CNTNAP2: variants seen among roughly 807,000 people sequenced by gnomAD.
The protein encoded by CNTNAP2 is contactin associated protein 2.
In CNTNAP2, 98 loss-of-function variants were observed where a neutral mutation model predicts 155.2. That is an observed-to-expected ratio of 0.63 (90% confidence interval 0.54 to 0.75). The LOEUF is 0.75. Among genes scored for constraint, CNTNAP2 ranks in the 30% least tolerant of loss-of-function variants. CNTNAP2 has a pLI of 0.00. For missense variants in CNTNAP2, 1,727 were observed against 1,688.1 expected, an observed-to-expected ratio of 1.02 and a Z score of -0.40; for synonymous variants, 651 against 631.2, an observed-to-expected ratio of 1.03 and a Z score of -0.47.
intron 1 of CNTNAP2, among the ~76,000 whole-genome samples, chr7:146,166,283 G>C (rs1222423767): frequency 6.6e-6 from 1 of 151,976 alleles, no homozygotes; most frequent in Non-Finnish European, 1.5e-5. Context: ...AGTAGAGATG[G>C]GGTTTCACCA....
chr7:147,651,452 AACCG>A (rs1165777879), intron 13 of CNTNAP2, among the ~76,000 whole-genome samples: 1 of 152,234 alleles, frequency 6.6e-6, no homozygotes, highest in Non-Finnish European at 1.5e-5. Flanking sequence ...TGACAGATAA[AACCG>A]ACCATCACAG....
intron 16 of CNTNAP2, among the ~76,000 whole-genome samples, chr7:148,123,941 G>T (rs12533593): frequency 0.075 from 11,462 of 152,210 alleles, 729 homozygotes; most frequent in African/African-American, 0.17. Context: ...TAGAGGTCAC[G>T]GTCAAAAAGT....
chr7:146,782,556 A>G (rs1462697768), intron 2 of CNTNAP2, among the ~76,000 whole-genome samples: 1 of 152,182 alleles, frequency 6.6e-6, no homozygotes, highest in Non-Finnish European at 1.5e-5. Flanking sequence ...CCTGATTTCT[A>G]TGATTACTAT....
chr7:148,237,903 C>G (rs566838609), intron 20 of CNTNAP2, among the ~76,000 whole-genome samples: 1 of 152,300 alleles, frequency 6.6e-6, no homozygotes, highest in East Asian at 1.9e-4. Flanking sequence ...AGAAAAATCT[C>G]TGTAGACTTG....
At chr7:146,778,703 A>G (rs1445394651) in intron 2 of CNTNAP2, among the ~76,000 whole-genome samples, 2 of 152,238 alleles carry the variant, frequency 1.3e-5, no homozygotes, top group South Asian at 2.1e-4. Context: ...AACTGCTTTC[A>G]TCTGTGCTCT....
intron 3 of CNTNAP2, among the ~76,000 whole-genome samples, chr7:147,014,797 T>C (rs2129244678): frequency 6.6e-6 from 1 of 152,294 alleles, no homozygotes; most frequent in African/African-American, 2.4e-5. Context: ...AGGCCATCTG[T>C]AATACATACT....
chr7:147,536,048 T>C (rs1184677083), intron 11 of CNTNAP2, among the ~76,000 whole-genome samples: 1 of 152,192 alleles, frequency 6.6e-6, no homozygotes, highest in African/African-American at 2.4e-5. Context: ...GAAACAAATC[T>C]CTGAAGCTCT....
chr7:146,357,378 A>C (rs1795014804), intron 1 of CNTNAP2, among the ~76,000 whole-genome samples: 1 of 152,278 alleles, frequency 6.6e-6, no homozygotes, highest in Non-Finnish European at 1.5e-5. Flanking sequence ...ATTAAAAATT[A>C]TGCCTCTATA....
At chr7:147,492,777 C>G (rs1318310763) in intron 11 of CNTNAP2, among the ~76,000 whole-genome samples, 1 of 152,188 alleles carries the variant, frequency 6.6e-6, no homozygotes, top group Non-Finnish European at 1.5e-5. Context: ...GTGAAGTCAG[C>G]TTTTCCAGTC....
intron 1 of CNTNAP2, among the ~76,000 whole-genome samples, chr7:146,415,195 A>T (rs1405171): frequency 0.036 from 5,419 of 152,180 alleles, 344 homozygotes; most frequent in African/African-American, 0.12. Flanking sequence ...AGCACTCTGC[A>T]TCAGGGAGAA....
intron 3 of CNTNAP2, among the ~76,000 whole-genome samples, chr7:146,904,289 C>A (rs994453905): frequency 6.6e-6 from 1 of 152,110 alleles, no homozygotes; most frequent in South Asian, 2.1e-4. Flanking sequence ...TACACGTCAC[C>A]TTTTCAGATA....
At chr7:146,712,319 ATCT>A (rs1246429036) in intron 1 of CNTNAP2, among the ~76,000 whole-genome samples, 1 of 128,964 alleles carries the variant, frequency 7.8e-6, no homozygotes, top group African/African-American at 3.2e-5. Flanking sequence ...TAGTATACAT[ATCT>A]TATGTATACT....
At chr7:148,340,504 C>T (rs1034260498) in intron 21 of CNTNAP2, among the ~76,000 whole-genome samples, 2 of 152,172 alleles carry the variant, frequency 1.3e-5, no homozygotes, top group Non-Finnish European at 2.9e-5. Context: ...ATATTTCACC[C>T]TCATATTTGG....
intron 10 of CNTNAP2, among the ~76,000 whole-genome samples, chr7:147,471,490 T>C (rs1023276962): frequency 1.3e-5 from 2 of 152,200 alleles, no homozygotes; most frequent in Non-Finnish European, 1.5e-5. Flanking sequence ...AGTGGGGCAG[T>C]GGTATTGAGA....
At chr7:147,757,219 T>C (rs916791967) in intron 13 of CNTNAP2, among the ~76,000 whole-genome samples, 4 of 152,210 alleles carry the variant, frequency 2.6e-5, no homozygotes, top group Admixed American at 2.6e-4. Context: ...TCTGCCCAAA[T>C]AGTCATTTGT....
intron 15 of CNTNAP2, among the ~76,000 whole-genome samples, chr7:148,036,991 C>T (rs1446458771): frequency 6.6e-6 from 1 of 152,164 alleles, no homozygotes; most frequent in Non-Finnish European, 1.5e-5. Flanking sequence ...ATTCTAATTA[C>T]TTTCTTTCAG....
At chr7:146,210,111 A>G (rs1023962987) in intron 1 of CNTNAP2, among the ~76,000 whole-genome samples, 1 of 152,130 alleles carries the variant, frequency 6.6e-6, no homozygotes, top group Non-Finnish European at 1.5e-5. Flanking sequence ...CATTTTGAGT[A>G]ACTCTGGACA....
chr7:147,317,800 A>ATATGTGTACATATGTG (rs71182193), intron 9 of CNTNAP2, among the ~76,000 whole-genome samples: 2 of 148,508 alleles, frequency 1.3e-5, no homozygotes, highest in African/African-American at 5.0e-5. Context: ...GTGTGTGTGT[A>ATATGTGTACATATGTG]TATGTATATA....
intron 1 of CNTNAP2, among the ~76,000 whole-genome samples, chr7:146,178,281 C>T (rs753439275): frequency 6.6e-6 from 1 of 152,182 alleles, no homozygotes; most frequent in Non-Finnish European, 1.5e-5. Flanking sequence ...GATCCGCCTG[C>T]CTTGGCCTCC....
Sources: gnomAD v4.1 joint callset for allele counts (sites outside exome capture counted in the v4.1 genomes callset) on GRCh38, gnomAD v4.1.1 for gene constraint, MANE v1.5 for transcripts, NCBI Gene and HGNC (gene_info 2026-07-23, HGNC 2026-07-21) for gene names.